SCFD2: variants seen among roughly 807,000 people sequenced by gnomAD.
SCFD2 encodes sec1 family domain-containing protein 2.
A neutral mutation model predicts 58.9 loss-of-function variants in SCFD2; 54 were observed. The ratio of observed to expected loss-of-function variants is 0.92; its 90% CI spans 0.74 to 1.15. SCFD2 has a LOEUF of 1.15. Ranked by LOEUF, SCFD2 falls within the 50% of genes most tolerant of loss-of-function variation. SCFD2 has a pLI of 0.00. For missense variants in SCFD2, 805 were observed against 836.6 expected (o/e 0.96, Z 0.47); for synonymous variants, 321 against 335.9 (o/e 0.96, Z 0.49).
intron 3 of SCFD2, among the ~76,000 whole-genome samples, chr4:53,297,249 C>T (rs1330946543): frequency 6.6e-6 from 1 of 152,132 alleles, no homozygotes; most frequent in East Asian, 1.9e-4. Context: ...GTTAAAGTCT[C>T]CCACTATTAT....
chr4:52,979,983 G>C (rs1246130128), intron 5 of SCFD2, among the ~76,000 whole-genome samples: 1 of 152,142 alleles, frequency 6.6e-6, no homozygotes, highest in Non-Finnish European at 1.5e-5. Flanking sequence ...GTTCTGCTCA[G>C]AGCCATTGCA....
At chr4:53,155,097 G>T (rs1398144037) in intron 4 of SCFD2, among the ~76,000 whole-genome samples, 1 of 152,212 alleles carries the variant, frequency 6.6e-6, no homozygotes, top group Admixed American at 6.5e-5. Flanking sequence ...TGCTACAGCA[G>T]CAATAGAAAA....
At chr4:53,204,174 G>C (rs989917957) in intron 4 of SCFD2, among the ~76,000 whole-genome samples, 5 of 151,998 alleles carry the variant, frequency 3.3e-5, no homozygotes, top group African/African-American at 1.2e-4. Context: ...AACTTAGCCT[G>C]TTCCATTGGC....
intron 4 of SCFD2, among the ~76,000 whole-genome samples, chr4:53,254,566 T>C (rs2149044627): frequency 6.6e-6 from 1 of 151,566 alleles, no homozygotes; most frequent in African/African-American, 2.4e-5. Context: ...CTCGAACCCC[T>C]GACCTCAGGT....
intron 4 of SCFD2, among the ~76,000 whole-genome samples, chr4:53,268,230 G>C (rs896764462): frequency 1.2e-4 from 18 of 152,170 alleles, no homozygotes; most frequent in Non-Finnish European, 1.5e-4. Context: ...GTCTCGCAGG[G>C]GTTGTTGGAA....
At chr4:53,163,056 C>T (rs1171828292) in intron 4 of SCFD2, among the ~76,000 whole-genome samples, 2 of 151,992 alleles carry the variant, frequency 1.3e-5, no homozygotes, top group Non-Finnish European at 2.9e-5. Flanking sequence ...AACAAAGCAC[C>T]ATTCCTCACA....
chr4:53,241,698 T>A (rs1432067194), intron 4 of SCFD2, among the ~76,000 whole-genome samples: 2 of 152,180 alleles, frequency 1.3e-5, no homozygotes, highest in Non-Finnish European at 2.9e-5. Flanking sequence ...CATGCCAGCA[T>A]GTATGTGTGT....
intron 4 of SCFD2, among the ~76,000 whole-genome samples, chr4:53,255,988 C>CG (rs1291836523): frequency 6.7e-6 from 1 of 150,044 alleles, no homozygotes; most frequent in Non-Finnish European, 1.5e-5. Flanking sequence ...CCACCTCCCT[C>CG]CCAGACGGGG....
intron 5 of SCFD2, among the ~76,000 whole-genome samples, chr4:53,081,042 C>T (rs1174823428): frequency 6.6e-6 from 1 of 152,020 alleles, no homozygotes; most frequent in Non-Finnish European, 1.5e-5. Flanking sequence ...TATATTATTT[C>T]AATTACTTGT....
chr4:53,138,131 A>G (rs1725998412), intron 5 of SCFD2, among the ~76,000 whole-genome samples: 2 of 152,146 alleles, frequency 1.3e-5, no homozygotes, highest in Admixed American at 6.6e-5. Flanking sequence ...GTGGGAGAAA[A>G]ATAGCCTATT....
At position 52,901,704 on chromosome 4, in the gene SCFD2, T is replaced by A. The variant is rs2411282; in HGVS notation, c.1842+5753A>T. On this transcript the variant is annotated intron_variant, in intron 7 of 8. Transcript: ENST00000401642. ...ATCAATGATTTGGGATGACTTGTTA[T>A]GTAGCAATAGATAAGCAGAACAGGT... 4.0e-3 allele frequency among the ~76,000 whole-genome samples: 612 copies of A among 152,324 alleles called. 8 individuals carry two copies. The highest frequency in any genetic ancestry group is 0.014 in the African/African-American group (581 of 41,574).
chr4:53,319,728 C>T (rs578019690), intron 2 of SCFD2, among the ~76,000 whole-genome samples: 2 of 152,158 alleles, frequency 1.3e-5, no homozygotes, highest in East Asian at 1.9e-4. Context: ...GACGGGGTTT[C>T]ACCATGTTGG....
At chr4:53,101,109 T>C (rs1030350196) in intron 5 of SCFD2, among the ~76,000 whole-genome samples, 6 of 152,328 alleles carry the variant, frequency 3.9e-5, no homozygotes, top group African/African-American at 1.2e-4. Context: ...CAATACTTTC[T>C]GTATGGTAAA....
At chr4:53,001,381 T>C (rs1721862254) in intron 5 of SCFD2, among the ~76,000 whole-genome samples, 1 of 152,228 alleles carries the variant, frequency 6.6e-6, no homozygotes, top group Non-Finnish European at 1.5e-5. Flanking sequence ...CGTTACTGAT[T>C]TGCCTTTTAC....
chr4:53,142,869 G>C (rs116691720), intron 5 of SCFD2, among the ~76,000 whole-genome samples: 3,901 of 152,228 alleles, frequency 0.026, 77 homozygotes, highest in Non-Finnish European at 0.036. Flanking sequence ...TGTTCCAGTG[G>C]TAAGTTTGAA....
rs1734698648 is a variant in SCFD2, at chr4:53,366,049, G to C, written c.-108C>G. The C allele has an allele frequency of 2.2e-6, 3 of 1,336,432 alleles. No homozygotes were observed. The South Asian group carries it at 4.4e-5, about 19-fold the overall frequency. The allele number at this position is 1,336,432 out of a possible 1,614,324, so 82.8% of individuals were successfully genotyped here. ...GACTTTGACAGTCTCCACAGTACAC[G>C]TGGTCGGCCTCTGACACGCTCCCTG... On this transcript the variant is annotated 5_prime_UTR_variant, in exon 1 of 9. Transcript: ENST00000401642.
At chr4:53,302,298 A>C (rs916429237) in intron 3 of SCFD2, among the ~76,000 whole-genome samples, 17 of 152,350 alleles carry the variant, frequency 1.1e-4, no homozygotes, top group African/African-American at 3.4e-4. Flanking sequence ...GCATTCTTAT[A>C]CACCAATAAC....
intron 2 of SCFD2, among the ~76,000 whole-genome samples, chr4:53,343,947 C>T (rs750291990): frequency 2.0e-5 from 3 of 152,082 alleles, no homozygotes; most frequent in East Asian, 1.9e-4. Context: ...ATTGATGGGA[C>T]GTATCTCAAA....
chr4:53,356,741 T>G (rs1367946739), intron 1 of SCFD2, among the ~76,000 whole-genome samples: 2 of 146,850 alleles, frequency 1.4e-5, no homozygotes, highest in Admixed American at 6.8e-5. Context: ...CTTTTTTTTT[T>G]TTTTTTTTTT....
Sources: allele counts gnomAD v4.1 joint callset (sites outside exome capture counted in the v4.1 genomes callset), GRCh38; gene constraint gnomAD v4.1.1; transcripts MANE v1.5; gene names NCBI Gene and HGNC (gene_info 2026-07-23, HGNC 2026-07-21).